The following PTPRO variants were observed in gnomAD, a reference collection of about 807,000 sequenced individuals.
The protein encoded by PTPRO is receptor-type tyrosine-protein phosphatase O.
A neutral mutation model predicts 145.2 loss-of-function variants in PTPRO; 62 were observed. The observed-to-expected ratio is 0.43, with a 90% CI of 0.35 to 0.53. The LOEUF (loss-of-function observed/expected upper bound fraction) is 0.53. Ranked by LOEUF, PTPRO falls within the 20% of genes least tolerant of loss-of-function variation. The pLI is 0.01. For synonymous variants in PTPRO, 565 were observed against 514.7 expected (o/e 1.10, Z -1.32); for missense variants, 1,345 against 1,482.7 (o/e 0.91, Z 1.53).
In PTPRO at chr12:15,433,241, T is replaced by C. The variant is rs1940499397; in HGVS notation, c.76-50733T>C. 2.7e-5 allele frequency among the ~76,000 whole-genome samples: 4 copies of C among 150,294 alleles called. No homozygotes were observed. The South Asian group carries it at 6.4e-4, about 24-fold the overall frequency. ...CCAGGCTGGAGTGCAGTGGTGCCGA[T>C]CTCAGCTCACTGCAACCTCTGCCTC... On this transcript the variant is annotated intron_variant, in intron 1 of 26. Transcript: ENST00000281171.
intron 1 of PTPRO, among the ~76,000 whole-genome samples, chr12:15,444,250 G>A (rs75897053): frequency 0.015 from 2,243 of 152,084 alleles, 59 homozygotes; most frequent in African/African-American, 0.051. Context: ...ACCAAGTCCT[G>A]ACCATTCTCA....
intron 25 of PTPRO, among the ~76,000 whole-genome samples, chr12:15,590,652 G>T (rs1944532042): frequency 2.6e-5 from 4 of 152,102 alleles, no homozygotes; most frequent in Admixed American, 2.6e-4. Context: ...TTTTTGGCAA[G>T]GCTGTTTCAA....
At chr12:15,421,196 A>G (rs1940135280) in intron 1 of PTPRO, among the ~76,000 whole-genome samples, 2 of 152,192 alleles carry the variant, frequency 1.3e-5, no homozygotes, top group South Asian at 2.1e-4. Context: ...AGTTCCTTTT[A>G]CATCCCTATC....
intron 12 of PTPRO, among the ~76,000 whole-genome samples, chr12:15,542,007 C>T (rs1016744688): frequency 6.6e-6 from 1 of 150,580 alleles, no homozygotes; most frequent in African/African-American, 2.4e-5. Flanking sequence ...CAAGACTCCA[C>T]CTCAAAAAAA....
At chr12:15,399,306 A>G (rs1465813642) in intron 1 of PTPRO, among the ~76,000 whole-genome samples, 1 of 152,196 alleles carries the variant, frequency 6.6e-6, no homozygotes, top group Non-Finnish European at 1.5e-5. Flanking sequence ...TCTCACAAAA[A>G]CCCTAAGAGG....
chr12:15,349,960 A>G (rs924063042), intron 1 of PTPRO, among the ~76,000 whole-genome samples: 20 of 152,218 alleles, frequency 1.3e-4, no homozygotes, highest in Non-Finnish European at 2.6e-4. Flanking sequence ...AGTCAGGAAT[A>G]AAAGTTAAGC....
chr12:15,525,989 T>C (rs956571566), intron 11 of PTPRO, among the ~76,000 whole-genome samples, 153 bp from the exon 12 acceptor site: 7 of 152,214 alleles, frequency 4.6e-5, no homozygotes, highest in African/African-American at 1.4e-4. Flanking sequence ...TTATAAAATT[T>C]TCAGAAGATA....
At chr12:15,369,938 G>C (rs1158052556) in intron 1 of PTPRO, among the ~76,000 whole-genome samples, 1 of 152,078 alleles carries the variant, frequency 6.6e-6, no homozygotes, top group African/African-American at 2.4e-5. Flanking sequence ...TGTAGTCCCA[G>C]CTACTCAGGA....
intron 1 of PTPRO, among the ~76,000 whole-genome samples, chr12:15,458,944 C>A (rs2136392786): frequency 6.6e-6 from 1 of 152,242 alleles, no homozygotes; most frequent in South Asian, 2.1e-4. Flanking sequence ...ACAGCTACCT[C>A]TTCCAGCCTT....
intron 13 of PTPRO, among the ~76,000 whole-genome samples, chr12:15,548,611 G>C (rs1233844037): frequency 1.3e-5 from 2 of 151,806 alleles, no homozygotes; most frequent in African/African-American, 4.8e-5. Flanking sequence ...TTGTAGCATT[G>C]TTTGCAATAG....
At chr12:15,558,750 G>A (rs1389894958) in intron 16 of PTPRO, among the ~76,000 whole-genome samples, 1 of 152,130 alleles carries the variant, frequency 6.6e-6, no homozygotes, top group Non-Finnish European at 1.5e-5. Flanking sequence ...GAATCAATGA[G>A]GGAGGGAGAA....
At chr12:15,499,187 G>A (rs1024871417) in intron 3 of PTPRO, among the ~76,000 whole-genome samples, 1 of 152,070 alleles carries the variant, frequency 6.6e-6, no homozygotes, top group Non-Finnish European at 1.5e-5. Context: ...TACCCCAAAA[G>A]TTCCTATCAC....
intron 1 of PTPRO, among the ~76,000 whole-genome samples, chr12:15,347,449 T>C (rs1443159194): frequency 6.6e-6 from 1 of 152,186 alleles, no homozygotes; most frequent in African/African-American, 2.4e-5. Flanking sequence ...ATATTCACTA[T>C]TATCATTTTA....
At chr12:15,393,875 T>C (rs1939263202) in intron 1 of PTPRO, among the ~76,000 whole-genome samples, 1 of 152,178 alleles carries the variant, frequency 6.6e-6, no homozygotes, top group Non-Finnish European at 1.5e-5. Flanking sequence ...AGATCCCATC[T>C]TGTGAAGGCC....
chr12:15,557,032 G>GT (rs552264784), intron 15 of PTPRO, among the ~76,000 whole-genome samples: 26,263 of 139,784 alleles, frequency 0.19, 2,728 homozygotes, highest in Admixed American at 0.32. Context: ...CTTTTATTTT[G>GT]TTTTTTTTTT....
chr12:15,570,477 G>C (rs1272471177), intron 19 of PTPRO, among the ~76,000 whole-genome samples: 1 of 152,058 alleles, frequency 6.6e-6, no homozygotes, highest in Non-Finnish European at 1.5e-5. Context: ...GACACTAATG[G>C]GGAATTTGAG....
chr12:15,469,975 C>T (rs1320626206), intron 1 of PTPRO, among the ~76,000 whole-genome samples: 1 of 152,082 alleles, frequency 6.6e-6, no homozygotes, highest in Non-Finnish European at 1.5e-5. Context: ...TTTAGTATTT[C>T]CATGATTTAC....
intron 17 of PTPRO, among the ~76,000 whole-genome samples, chr12:15,561,982 T>C (rs1217415964): frequency 6.6e-6 from 1 of 152,058 alleles, no homozygotes; most frequent in African/African-American, 2.4e-5. Flanking sequence ...CTAATACCAA[T>C]CAAATAGCAC....
intron 12 of PTPRO, among the ~76,000 whole-genome samples, chr12:15,540,092 C>G (rs1275840374): frequency 6.6e-6 from 1 of 152,148 alleles, no homozygotes; most frequent in Admixed American, 6.5e-5. Context: ...GCATATCAAT[C>G]TTAACTCACC....
Sources: gnomAD v4.1 joint callset for allele counts (sites outside exome capture counted in the v4.1 genomes callset) on GRCh38, gnomAD v4.1.1 for gene constraint, MANE v1.5 for transcripts, NCBI Gene and HGNC (gene_info 2026-07-23, HGNC 2026-07-21) for gene names.